The following RABGAP1L variants were observed in gnomAD, a reference collection of about 807,000 sequenced individuals.
RABGAP1L encodes rab GTPase-activating protein 1-like.
RABGAP1L carries 63 observed loss-of-function variants against 137.7 expected under a neutral mutation model. That is an observed-to-expected ratio of 0.46 (90% CI 0.37 to 0.56). The LOEUF is 0.56. RABGAP1L is among the 20% of genes least tolerant of loss of function. The pLI is 0.00. For missense variants in RABGAP1L, 1,095 were observed against 1,244.0 expected (o/e 0.88, Z 1.80); for synonymous variants, 431 against 433.7 (o/e 0.99, Z 0.08).
chr1:174,864,950 C>T (rs1427854134), intron 19 of RABGAP1L, among the ~76,000 whole-genome samples: 1 of 152,070 alleles, frequency 6.6e-6, no homozygotes, highest in East Asian at 1.9e-4. Context: ...AACCCTGTCT[C>T]TACAAAACCT....
chr1:174,523,188 C>T (rs1663579359), intron 13 of RABGAP1L, among the ~76,000 whole-genome samples: 2 of 152,072 alleles, frequency 1.3e-5, no homozygotes, highest in Admixed American at 1.3e-4. Flanking sequence ...CTGGGAGTTC[C>T]CCAGGGATAT....
intron 1 of RABGAP1L, among the ~76,000 whole-genome samples, chr1:174,181,340 CTTT>C (rs1179097330): frequency 2.2e-5 from 3 of 138,916 alleles, no homozygotes; most frequent in Non-Finnish European, 3.1e-5. Flanking sequence ...TTCTTTTTTT[CTTT>C]TTTTTTTTTT....
At chr1:174,372,753 G>A (rs1685208179) in intron 12 of RABGAP1L, among the ~76,000 whole-genome samples, 1 of 152,042 alleles carries the variant, frequency 6.6e-6, no homozygotes, top group African/African-American at 2.4e-5. Context: ...CACCAATAAG[G>A]TATTAGAGCC....
At chr1:174,197,654 C>G (rs1028605137) in intron 1 of RABGAP1L, among the ~76,000 whole-genome samples, 1 of 151,966 alleles carries the variant, frequency 6.6e-6, no homozygotes, top group African/African-American at 2.4e-5. Flanking sequence ...CAAAAATTAG[C>G]CGGGCATTGG....
intron 13 of RABGAP1L, among the ~76,000 whole-genome samples, chr1:174,470,564 C>G (rs993149553): frequency 8.6e-5 from 13 of 152,000 alleles, no homozygotes; most frequent in South Asian, 8.3e-4. Context: ...GTCAGGAGTT[C>G]GAGACCAGCC....
intron 17 of RABGAP1L, among the ~76,000 whole-genome samples, chr1:174,717,427 T>C (rs944483665): frequency 2.6e-5 from 4 of 152,152 alleles, no homozygotes; most frequent in African/African-American, 9.7e-5. Context: ...AACAAATGTA[T>C]GACTGTAAAA....
chr1:174,744,892 T>C (rs998178009), intron 17 of RABGAP1L, among the ~76,000 whole-genome samples: 6 of 152,360 alleles, frequency 3.9e-5, no homozygotes, highest in East Asian at 1.9e-4. Context: ...TTATGTAAGA[T>C]GTTAATGTTT....
At chr1:174,299,415 G>A (rs1195928568) in intron 10 of RABGAP1L, among the ~76,000 whole-genome samples, 1 of 152,148 alleles carries the variant, frequency 6.6e-6, no homozygotes, top group Non-Finnish European at 1.5e-5. Flanking sequence ...GGGCTTTTAT[G>A]GGCTCTGCAA....
At chr1:174,321,252 G>A (rs1679946603) in intron 11 of RABGAP1L, among the ~76,000 whole-genome samples, 1 of 152,184 alleles carries the variant, frequency 6.6e-6, no homozygotes, top group African/African-American at 2.4e-5. Flanking sequence ...GACAATGTGT[G>A]CCCAGTGGGG....
chr1:174,397,150 C>A (rs1044393165), intron 13 of RABGAP1L, among the ~76,000 whole-genome samples: 1 of 151,910 alleles, frequency 6.6e-6, no homozygotes, highest in African/African-American at 2.4e-5. Context: ...CAGTCTCAAA[C>A]CACAAAAAAC....
At chr1:174,858,691 G>C (rs2149011774) in intron 19 of RABGAP1L, among the ~76,000 whole-genome samples, 1 of 152,230 alleles carries the variant, frequency 6.6e-6, no homozygotes. Context: ...ATTACCAACT[G>C]CTTGCTGACT....
chr1:174,632,996 G>A (rs1262414012), intron 13 of RABGAP1L, among the ~76,000 whole-genome samples: 3 of 151,996 alleles, frequency 2.0e-5, no homozygotes, highest in Non-Finnish European at 4.4e-5. Flanking sequence ...CAGTTTTTCT[G>A]TTCTGTTTTT....
intron 13 of RABGAP1L, among the ~76,000 whole-genome samples, chr1:174,541,907 G>C (rs1411220400): frequency 1.3e-5 from 2 of 152,142 alleles, no homozygotes; most frequent in Non-Finnish European, 2.9e-5. Flanking sequence ...ATTGATTTGC[G>C]TATGTTGAAC....
At chr1:174,282,680 A>T (rs760711611) in intron 10 of RABGAP1L, among the ~76,000 whole-genome samples, 26 of 152,196 alleles carry the variant, frequency 1.7e-4, no homozygotes, top group Non-Finnish European at 3.1e-4. Context: ...TATCTAAGGA[A>T]ATTTTGCCTA....
At chr1:174,756,612 G>T (rs1684786235) in intron 18 of RABGAP1L, among the ~76,000 whole-genome samples, 2 of 152,084 alleles carry the variant, frequency 1.3e-5, no homozygotes, top group Non-Finnish European at 2.9e-5. Context: ...ATCCATTCAG[G>T]AAAGCTGGTG....
chr1:174,185,273 C>T (rs567908138), intron 1 of RABGAP1L, among the ~76,000 whole-genome samples: 32 of 152,074 alleles, frequency 2.1e-4, no homozygotes, highest in Non-Finnish European at 3.2e-4. Context: ...CAAAATCTAC[C>T]GGTTAGGGAT....
chr1:174,837,533 G>A (rs2148933871), intron 19 of RABGAP1L, among the ~76,000 whole-genome samples: 1 of 152,308 alleles, frequency 6.6e-6, no homozygotes, highest in South Asian at 2.1e-4. Context: ...CCCCATGAGA[G>A]CTTTAAAGGA....
At chr1:174,701,360 A>G (rs1215314256) in intron 16 of RABGAP1L, among the ~76,000 whole-genome samples, 1 of 152,212 alleles carries the variant, frequency 6.6e-6, no homozygotes, top group Non-Finnish European at 1.5e-5. Flanking sequence ...AGAATTTTCT[A>G]AGTGTTCAAA....
chr1:174,785,562 T>G (rs1248757713), intron 18 of RABGAP1L, among the ~76,000 whole-genome samples: 1 of 152,244 alleles, frequency 6.6e-6, no homozygotes, highest in South Asian at 2.1e-4. Context: ...CACTTGCTGC[T>G]TAGGCATTCT....
Sources: allele counts gnomAD v4.1 joint callset (sites outside exome capture counted in the v4.1 genomes callset), GRCh38; gene constraint gnomAD v4.1.1; transcripts MANE v1.5; gene names NCBI Gene and HGNC (gene_info 2026-07-23, HGNC 2026-07-21).